The following IL31RA variants were observed in gnomAD, a reference collection of about 807,000 sequenced individuals.
IL31RA encodes the protein interleukin-31 receptor subunit alpha.
Under a neutral mutation model 83.7 loss-of-function variants are expected in IL31RA, and 66 were observed. The ratio of observed to expected loss-of-function variants is 0.79; its 90% CI spans 0.65 to 0.97. The LOEUF (loss-of-function observed/expected upper bound fraction) is 0.97. Ranked by LOEUF, IL31RA falls within the 50% of genes least tolerant of loss-of-function variation. The pLI, the probability that IL31RA is intolerant of heterozygous loss-of-function variation, is 0.00. For missense variants in IL31RA, 798 were observed against 919.4 expected (o/e 0.87, Z 1.71); for synonymous variants, 325 against 329.0 (o/e 0.99, Z 0.13).
chr5:55,888,886 A>T (rs1351196782), intron 5 of IL31RA, among the ~76,000 whole-genome samples: 1 of 152,136 alleles, frequency 6.6e-6, no homozygotes, highest in Non-Finnish European at 1.5e-5. Context: ...TCTGCCATAG[A>T]CACATATCCT....
At chr5:55,840,021 A>G in the IL31RA span, 8 of 479,538 alleles carry the variant, frequency 1.7e-5, no homozygotes, top group Non-Finnish European at 3.2e-5. Context: ...GGTGCCCAAC[A>G]TCATTGTCTC....
intron 1 of IL31RA, among the ~76,000 whole-genome samples, chr5:55,857,495 G>C (rs1323420071): frequency 1.3e-5 from 2 of 152,194 alleles, no homozygotes; most frequent in Admixed American, 1.3e-4. Context: ...TAGAATGAGA[G>C]ATTTCATCCT....
intron 2 of IL31RA, among the ~76,000 whole-genome samples, chr5:55,865,243 GGA>G (rs1382315923): frequency 6.6e-6 from 1 of 152,198 alleles, no homozygotes. Context: ...ATTTGGATCT[GGA>G]GATCACTGGC....
chr5:55,891,760 G>GTTTTTT (rs1201802698), intron 6 of IL31RA, among the ~76,000 whole-genome samples: 2 of 47,894 alleles, frequency 4.2e-5, no homozygotes, highest in East Asian at 7.8e-4. Context: ...ATTTGGACAA[G>GTTTTTT]ATTTTTTTTT....
chr5:55,867,005 A>G lies in IL31RA; in HGVS notation c.155-1786A>G, dbSNP rs79370288. Among the ~76,000 whole-genome samples the G allele has an allele frequency of 8.9e-3, 1,349 of 152,250 alleles. 10 individuals are homozygous for G. The highest frequency in any genetic ancestry group is 0.014 in the Non-Finnish European group (970 of 68,028). ...ACTATGATCTTTCCAGAGGCTCAACAAAGAAGTTAGTATAAGCCTCAGAGC... is the reference window on the plus strand; with the variant it reads ...ACTATGATCTTTCCAGAGGCTCAACGAAGAAGTTAGTATAAGCCTCAGAGC... On this transcript the variant is annotated intron_variant, in intron 2 of 14. Transcript: ENST00000652347.
chr5:55,899,880 G>C lies in IL31RA; in HGVS notation c.853-36G>C, dbSNP rs755799980. 118 of 1,491,382 alleles carry C rather than the reference G, an allele frequency of 7.9e-5. 3 individuals are homozygous for C. In the South Asian group the frequency reaches 1.3e-3, roughly 17 times the overall value. 92.4% of individuals were successfully genotyped at this position (1,491,382 alleles called of 1,614,324 possible). A position where few individuals can be genotyped will look rare whatever the true frequency, so the allele number is the denominator to read the frequency against. The stretch of plus-strand genomic sequence containing the variant: ...TGTCTCAATGCCTTTCTTTTTCTTT[G>C]TTATTGGCAATAAATTTTGTTTTCT... On this transcript the variant is annotated intron_variant, in intron 7 of 14. Transcript: ENST00000652347.
Position 55,917,616 on chromosome 5 carries a change from C to G in IL31RA, c.*496C>G, listed in dbSNP as rs1025381168. 6.6e-6 allele frequency among the ~76,000 whole-genome samples: 1 copy of G among 152,166 alleles called. No homozygotes were observed. Among genetic ancestry groups the G allele is most frequent in the African/African-American group, 2.4e-5 (1 of 41,442 alleles). ...CTTCCCCTACAAGGTAGCCCTGAAG[C>G]CTTCCTCTCTCCCCATAGTTGGGGC... On this transcript the variant is annotated 3_prime_UTR_variant, in exon 15 of 15. Coordinates refer to ENST00000652347, the MANE Select transcript of IL31RA (RefSeq NM_139017.7).
Position 55,922,304 on chromosome 5 carries a change from G to A in IL31RA, c.*5184G>A. The A allele has an allele frequency of 9.4e-7, 1 of 1,060,810 alleles. No homozygotes were observed. The highest frequency in any genetic ancestry group is 1.4e-6 in the Non-Finnish European group (1 of 699,788). 65.7% of individuals were successfully genotyped at this position (1,060,810 alleles called of 1,614,324 possible). A position where few individuals can be genotyped will look rare whatever the true frequency, so the allele number is the denominator to read the frequency against. On this transcript the variant is annotated 3_prime_UTR_variant, in exon 15 of 15. Coordinates refer to ENST00000652347, the MANE Select transcript of IL31RA (RefSeq NM_139017.7). ...AGAAGCAAGGGGCAGGGGAGGGGCA[G>A]AACTCCACAAGAGGGCAAAACCTGC... is the stretch of plus-strand genomic sequence containing the variant.
chr5:55,914,996 G>A, intron 14 of IL31RA, 68 bp downstream of exon 14: 2 of 1,181,670 alleles, frequency 1.7e-6, no homozygotes, highest in East Asian at 2.3e-5. Context: ...TGGAGATGGG[G>A]AAAGAGTCCT....
In IL31RA at chr5:55,913,562, A is replaced by C; in HGVS notation, c.1728A>C (p.Lys576Asn). ...TCCTGACAGTGGCATATGGTCTCAA[A>C]AAACCCAAGTGAGTCTGCAGACAAC... Reference protein sequence around the residue: ...LIILTVAYGLKKPNKLTHLCW... With the variant: ...LIILTVAYGLNKPNKLTHLCW... The change falls in exon 13 of 15, where the codon AAA (lysine) becomes AAC (asparagine). Residue 576 changes from lysine to asparagine, a missense_variant. By Grantham distance (94) the Lys-to-Asn change is moderately conservative. Transcript: ENST00000652347. 1 of 1,608,824 alleles carries C rather than the reference A, an allele frequency of 6.2e-7. No homozygotes were observed. Among genetic ancestry groups the C allele is most frequent in the Non-Finnish European group, 8.5e-7 (1 of 1,175,110 alleles).
At chr5:55,900,689 A>G (rs1748757880) in intron 8 of IL31RA, among the ~76,000 whole-genome samples, 1 of 152,208 alleles carries the variant, frequency 6.6e-6, no homozygotes, top group South Asian at 2.1e-4. Flanking sequence ...AGGCAAACTC[A>G]TATTTATCCT....
chr5:55,869,626 A>G (rs1746390404), intron 3 of IL31RA, among the ~76,000 whole-genome samples: 2 of 151,986 alleles, frequency 1.3e-5, no homozygotes, highest in Admixed American at 1.3e-4. Flanking sequence ...GGTGCACACC[A>G]CCATACCTGG....
rs1749442329 is a variant in IL31RA at position 55,910,590 on chromosome 5, C to G, written c.1560C>G (p.Thr520=). 6.2e-7 allele frequency: 1 copy of G among 1,614,068 alleles called. No homozygotes were observed. The change falls in exon 12 of 15, where the codon ACC becomes ACG. Residue 520 remains threonine (T), a synonymous_variant. Coordinates refer to ENST00000652347, the MANE Select transcript of IL31RA (RefSeq NM_139017.7). ...GCCTGGAGTCCCTGAAACGAAAGACCTCTTACATTGTTCAGGTCATGGCCA... is the reference window on the plus strand; with the variant it reads ...GCCTGGAGTCCCTGAAACGAAAGACGTCTTACATTGTTCAGGTCATGGCCA... ...QYGLESLKRK[T]SYIVQVMAST...
At chr5:55,864,017 A>G (rs555456329) in intron 2 of IL31RA, among the ~76,000 whole-genome samples, 1 of 152,278 alleles carries the variant, frequency 6.6e-6, no homozygotes, top group Admixed American at 6.5e-5. Flanking sequence ...TTTGGATTCA[A>G]CCAACGCAAG....
chr5:55,907,473 A>C lies in IL31RA; in HGVS notation c.1354+13A>C. On this transcript the variant is annotated intron_variant, in intron 10 of 14. Coordinates refer to ENST00000652347, the MANE Select transcript of IL31RA (RefSeq NM_139017.7). ...GCCAAAGAAGGCGGTATGAATGGAC[A>C]AGACCCTGTGGGGAAAAGGAAACAG... 6.4e-7 allele frequency: 1 copy of C among 1,556,876 alleles called. No homozygotes were observed. The highest frequency in any genetic ancestry group is 1.1e-5 in the South Asian group (1 of 89,964).
chr5:55,891,310 T>C (rs946315985), intron 6 of IL31RA, among the ~76,000 whole-genome samples: 1 of 152,214 alleles, frequency 6.6e-6, no homozygotes, highest in Admixed American at 6.5e-5. Flanking sequence ...GTGTGATGAA[T>C]GTATCAGTTT....
At position 55,872,300 on chromosome 5, in the gene IL31RA, A is replaced by C; in HGVS notation, c.303A>C (p.Thr101=). The C allele has an allele frequency of 6.2e-7, 1 of 1,613,524 alleles. No homozygotes were observed. Among genetic ancestry groups the C allele is most frequent in the Non-Finnish European group, 8.5e-7 (1 of 1,179,606 alleles). ...TTGGAGAAAAACATGATAATTGTACAACCAATAGTTCTACAAGTGAAAATC... is the reference window on the plus strand; with the variant it reads ...TTGGAGAAAAACATGATAATTGTACCACCAATAGTTCTACAAGTGAAAATC... ...YAFGEKHDNC[T]TNSSTSENRA... The change falls in exon 4 of 15, where the codon ACA becomes ACC. Residue 101 remains threonine, a synonymous_variant. Transcript: ENST00000652347.
In IL31RA at chr5:55,882,235, C is replaced by A. The variant is rs542902333; in HGVS notation, c.455-809C>A. ...GCCTGATTAGCTACCTACTGTAATA[C>A]CATGAATGTGCGATAATAGAACATA... On this transcript the variant is annotated intron_variant, in intron 4 of 14. Transcript: ENST00000652347. 2.6e-5 allele frequency among the ~76,000 whole-genome samples: 4 copies of A among 152,044 alleles called. 1 individual carries two copies. Among genetic ancestry groups the A allele is most frequent in the African/African-American group, 7.3e-5 (3 of 41,372 alleles).
At chr5:55,910,049 T>C in intron 11 of IL31RA, among the ~76,000 whole-genome samples, 1 of 152,220 alleles carries the variant, frequency 6.6e-6, no homozygotes, top group East Asian at 1.9e-4. Context: ...TTTCATCTTT[T>C]TTCTTATGTT....
Sources: gnomAD v4.1 joint callset for allele counts (sites outside exome capture counted in the v4.1 genomes callset) on GRCh38, gnomAD v4.1.1 for gene constraint, MANE v1.5 for transcripts, NCBI Gene and HGNC (gene_info 2026-07-23, HGNC 2026-07-21) for gene names.